MAML2: variants seen among roughly 807,000 people sequenced by gnomAD.
MAML2 encodes the protein mastermind-like protein 2.
In MAML2, 22 loss-of-function variants were observed where a neutral mutation model predicts 96.1. The observed-to-expected ratio is 0.23, with a 90% confidence interval of 0.16 to 0.33. MAML2 has a LOEUF of 0.33. MAML2 is among the 10% of genes least tolerant of loss of function. The probability of loss-of-function intolerance (pLI) is 1.00; values close to 1 mark genes in which losing one functional copy is unlikely to be tolerated. For missense variants in MAML2, 1,367 were observed against 1,392.4 expected, an observed-to-expected ratio of 0.98 and a Z score of 0.29; for synonymous variants, 561 against 521.3, an observed-to-expected ratio of 1.08 and a Z score of -1.04.
In MAML2 at chr11:96,092,514, T is replaced by A; in HGVS notation, c.1517A>T (p.Gln506Leu). The change falls in exon 2 of 5, where the codon CAG (glutamine) becomes CTG (leucine). Residue 506 changes from glutamine (Q) to leucine (L), a missense_variant. Coordinates refer to ENST00000524717, the MANE Select transcript of MAML2 (RefSeq NM_032427.4). This position sits in a 1 kb window ranked among gnomAD's most constrained non-coding sequence, Gnocchi z 4.1. Reference protein sequence around the residue: ...PMPGVAGGSGQSKVMANYMYK... With the variant: ...PMPGVAGGSGLSKVMANYMYK... ...CATGTAGTTAGCCATTACTTTCGAC[T>A]GGCCGCTGCCGCCAGCTACCCCAGG... The A allele has an allele frequency of 6.3e-7, 1 of 1,596,010 alleles. No individual in the cohort carries two copies. The highest frequency in any genetic ancestry group is 8.6e-7 in the Non-Finnish European group (1 of 1,168,950).
chr11:96,316,102 G>A (rs1177421162), intron 1 of MAML2, among the ~76,000 whole-genome samples: 1 of 152,182 alleles, frequency 6.6e-6, no homozygotes, highest in African/African-American at 2.4e-5. Context: ...GCATACTCTT[G>A]TAATATCCTT....
chr11:95,991,412 C>T (rs922842522), intron 3 of MAML2, 108 bp downstream of exon 3: 61 of 1,016,252 alleles, frequency 6.0e-5, no homozygotes, highest in Admixed American at 1.1e-4. Flanking sequence ...AGTCAGCACA[C>T]CTTTGTTGCT....
intron 1 of MAML2, among the ~76,000 whole-genome samples, chr11:96,096,534 A>G (rs1859832012): frequency 6.6e-6 from 1 of 152,226 alleles, no homozygotes; most frequent in Non-Finnish European, 1.5e-5. Context: ...CAATGAAGTC[A>G]GGAATCAAAC....
intron 2 of MAML2, among the ~76,000 whole-genome samples, chr11:96,045,210 G>A (rs1241557057): frequency 6.6e-6 from 1 of 152,166 alleles, no homozygotes; most frequent in Non-Finnish European, 1.5e-5. Context: ...CACCCGTACT[G>A]AGCAAAGTCA....
At chr11:96,123,480 G>T (rs371001226) in intron 1 of MAML2, among the ~76,000 whole-genome samples, 2 of 152,298 alleles carry the variant, frequency 1.3e-5, no homozygotes, top group East Asian at 3.9e-4. Flanking sequence ...CTTTGATGTG[G>T]TTAATAGCCC....
chr11:96,155,509 AATATATATATATATATATAT>A (rs56860340), intron 1 of MAML2, among the ~76,000 whole-genome samples: 10,425 of 74,852 alleles, frequency 0.14, 1,362 homozygotes, highest in Non-Finnish European at 0.17. Flanking sequence ...TAACAATTCA[AATATATATATATATATATAT>A]ATATATATAT....
intron 4 of MAML2, among the ~76,000 whole-genome samples, 152 bp from the exon 5 acceptor site, chr11:95,980,115 G>T (rs1857714131): frequency 6.6e-6 from 1 of 152,152 alleles, no homozygotes; most frequent in South Asian, 2.1e-4. Flanking sequence ...AAAGGAACAA[G>T]ACAGCTCTTA....
intron 1 of MAML2, among the ~76,000 whole-genome samples, chr11:96,270,542 C>T (rs1374852561): frequency 6.6e-6 from 1 of 152,140 alleles, no homozygotes; most frequent in Non-Finnish European, 1.5e-5. Flanking sequence ...AACTCCTGAC[C>T]TCGTGATCCG....
intron 1 of MAML2, among the ~76,000 whole-genome samples, chr11:96,110,964 G>T (rs1860109935): frequency 6.6e-6 from 1 of 152,120 alleles, no homozygotes; most frequent in Admixed American, 6.5e-5. Flanking sequence ...TGAATAAGAA[G>T]GCTCTAATAA....
At chr11:96,023,152 A>G (rs1858462066) in intron 2 of MAML2, among the ~76,000 whole-genome samples, 1 of 152,196 alleles carries the variant, frequency 6.6e-6, no homozygotes, top group Non-Finnish European at 1.5e-5. Context: ...GATCCCTGGC[A>G]GGCCACTCAG....
At chr11:96,307,541 G>T (rs1232891989) in intron 1 of MAML2, among the ~76,000 whole-genome samples, 1 of 152,044 alleles carries the variant, frequency 6.6e-6, no homozygotes, top group Non-Finnish European at 1.5e-5. Flanking sequence ...AGCTGGGGAG[G>T]GGGAAATGCC....
chr11:96,007,477 G>A lies in MAML2; in HGVS notation c.2140-15754C>T, dbSNP rs1336421565. 2.0e-5 allele frequency among the ~76,000 whole-genome samples: 3 copies of A among 152,118 alleles called. No homozygotes were observed. The East Asian group carries it at 5.8e-4, about 29-fold the overall frequency. ...AGGTAACTGGTATCACTTGGATCCT[G>A]CGAGACAAAATATGACTATATCTTG... On this transcript the variant is annotated intron_variant, in intron 2 of 4. Transcript: ENST00000524717.
intron 2 of MAML2, among the ~76,000 whole-genome samples, chr11:96,012,352 G>C (rs1360577153): frequency 6.6e-6 from 1 of 152,160 alleles, no homozygotes; most frequent in African/African-American, 2.4e-5. Flanking sequence ...GAGAACAAAG[G>C]TTGACAGTGA....
chr11:96,277,947 C>T (rs1863013177), intron 1 of MAML2, among the ~76,000 whole-genome samples: 2 of 146,490 alleles, frequency 1.4e-5, no homozygotes, highest in Non-Finnish European at 1.5e-5. Context: ...TTCTCCAGGG[C>T]AGTGATTCTC....
At chr11:96,274,132 G>A (rs1252525132) in intron 1 of MAML2, among the ~76,000 whole-genome samples, 1 of 143,790 alleles carries the variant, frequency 7.0e-6, no homozygotes, top group African/African-American at 2.6e-5. Context: ...GCTCAGGCTG[G>A]AGTGCAGCGG....
intron 1 of MAML2, among the ~76,000 whole-genome samples, chr11:96,191,744 C>G (rs1861656933): frequency 6.9e-6 from 1 of 145,856 alleles, no homozygotes; most frequent in Non-Finnish European, 1.5e-5. Flanking sequence ...TACACTCCAG[C>G]CTGGCAACAG....
At chr11:96,160,246 C>T (rs1861082667) in intron 1 of MAML2, among the ~76,000 whole-genome samples, 1 of 152,190 alleles carries the variant, frequency 6.6e-6, no homozygotes, top group Admixed American at 6.5e-5. Context: ...CTTTATTCTT[C>T]AATGCACTCT....
intron 1 of MAML2, among the ~76,000 whole-genome samples, chr11:96,338,109 C>T (rs1036007738): frequency 6.6e-6 from 1 of 152,204 alleles, no homozygotes. Context: ...AGAAAAAGAG[C>T]TTGTCTCAGG....
At chr11:96,124,680 C>T (rs997250235) in intron 1 of MAML2, among the ~76,000 whole-genome samples, 8 of 152,084 alleles carry the variant, frequency 5.3e-5, no homozygotes, top group Non-Finnish European at 1.0e-4. Flanking sequence ...TTTAAACACA[C>T]GCGTGTGTGT....
Sources: allele counts gnomAD v4.1 joint callset (sites outside exome capture counted in the v4.1 genomes callset), GRCh38; gene constraint gnomAD v4.1.1; non-coding constraint Gnocchi (gnomAD v3.1); transcripts MANE v1.5; gene names NCBI Gene and HGNC (gene_info 2026-07-23, HGNC 2026-07-21).